ZNF407: variants seen among roughly 807,000 people sequenced by gnomAD.
ZNF407 encodes the protein zinc finger protein 407.
In ZNF407, 17 loss-of-function variants were observed where a neutral mutation model predicts 131.2. That is an observed-to-expected ratio of 0.13 (90% CI 0.09 to 0.19). The LOEUF is 0.19. Ranked by LOEUF, ZNF407 falls within the 10% of genes least tolerant of loss-of-function variation. The probability of loss-of-function intolerance (pLI) is 1.00; values close to 1 mark genes in which losing one functional copy is unlikely to be tolerated. For synonymous variants in ZNF407, 1,156 were observed against 1,062.0 expected (o/e 1.09, Z -1.72); for missense variants, 2,681 against 2,830.6 (o/e 0.95, Z 1.20).
At position 74,928,334 on chromosome 18, in the gene ZNF407, A is replaced by G. The variant is rs373505099; in HGVS notation, c.5428+7642A>G. 1.6e-4 allele frequency among the ~76,000 whole-genome samples: 25 copies of G among 152,342 alleles called. No individual in the cohort carries two copies. The South Asian group carries it at 2.1e-3, about 13-fold the overall frequency. ...CCAGCAGAAAGAAATGCTTGAGTTA[A>G]GATAAGGGGGATTGTAGAAGCCAAG... On this transcript the variant is annotated intron_variant, in intron 8 of 8. Transcript: ENST00000299687.
At chr18:74,790,584 G>T (rs1372555498) in intron 4 of ZNF407, among the ~76,000 whole-genome samples, 3 of 152,064 alleles carry the variant, frequency 2.0e-5, no homozygotes, top group Non-Finnish European at 2.9e-5. Flanking sequence ...GAACACTGGG[G>T]CTTATACAGC....
At chr18:74,621,991 T>C (rs778844889) in intron 1 of ZNF407, among the ~76,000 whole-genome samples, 31 of 152,126 alleles carry the variant, frequency 2.0e-4, no homozygotes, top group Non-Finnish European at 4.3e-4. Flanking sequence ...ATCTAGTGAA[T>C]GGTTTTTTAG....
At chr18:74,598,328 C>T (rs1053056672) in intron 1 of ZNF407, 14 of 152,314 alleles carry the variant, frequency 9.2e-5, no homozygotes, top group Non-Finnish European at 1.3e-4. Flanking sequence ...CCTAGCGTGG[C>T]CTCGGTTTCC....
At chr18:74,855,035 TA>T (rs1470519759) in intron 4 of ZNF407, among the ~76,000 whole-genome samples, 2 of 152,236 alleles carry the variant, frequency 1.3e-5, no homozygotes, top group East Asian at 1.9e-4. Context: ...ATGTGTTCTC[TA>T]AAAAATATTT....
intron 7 of ZNF407, chr18:74,898,172 A>T (rs1231499401): frequency 2.0e-5 from 3 of 151,880 alleles, no homozygotes; most frequent in African/African-American, 7.3e-5. Context: ...AGCGTGTCTG[A>T]CTCATTCCAC....
intron 3 of ZNF407, among the ~76,000 whole-genome samples, chr18:74,751,585 A>G (rs1379221103): frequency 6.7e-6 from 1 of 149,904 alleles, no homozygotes; most frequent in Non-Finnish European, 1.5e-5. Flanking sequence ...AAGTGTTCTC[A>G]TTGTTCAATT....
chr18:74,779,109 A>ATATTGTTTTTTTTT (rs397943457), intron 3 of ZNF407, among the ~76,000 whole-genome samples: 1 of 24,372 alleles, frequency 4.1e-5, no homozygotes. Context: ...ATATATATAT[A>ATATTGTTTTTTTTT]TTTTTTTTTT....
intron 7 of ZNF407, among the ~76,000 whole-genome samples, chr18:74,919,032 T>C (rs1971810796): frequency 6.6e-6 from 1 of 152,172 alleles, no homozygotes; most frequent in Non-Finnish European, 1.5e-5. Context: ...TCCCCACTCA[T>C]GAGGAACACG....
At chr18:74,875,735 T>C (rs904751056) in intron 4 of ZNF407, among the ~76,000 whole-genome samples, 5 of 152,334 alleles carry the variant, frequency 3.3e-5, no homozygotes, top group East Asian at 3.9e-4. Flanking sequence ...TCCAATGATA[T>C]AGTAATTTCA....
At chr18:74,738,574 C>T (rs1206027008) in intron 3 of ZNF407, among the ~76,000 whole-genome samples, 1 of 151,480 alleles carries the variant, frequency 6.6e-6, no homozygotes, top group Non-Finnish European at 1.5e-5. Context: ...CTTGTCTCTA[C>T]TTGAAATACA....
intron 1 of ZNF407, among the ~76,000 whole-genome samples, chr18:74,605,025 C>G (rs2144607955): frequency 1.3e-5 from 2 of 152,284 alleles, no homozygotes; most frequent in East Asian, 3.9e-4. Flanking sequence ...GGAACAGAGC[C>G]AGATGGTTTA....
chr18:75,033,146 T>C (rs1367611640), intron 8 of ZNF407, among the ~76,000 whole-genome samples: 3 of 130,982 alleles, frequency 2.3e-5, no homozygotes, highest in Admixed American at 8.6e-5. Flanking sequence ...GAAGACAGTA[T>C]TAGATAACTA....
intron 3 of ZNF407, among the ~76,000 whole-genome samples, chr18:74,723,671 C>T (rs964737393): frequency 3.9e-5 from 6 of 152,122 alleles, no homozygotes; most frequent in Non-Finnish European, 5.9e-5. Context: ...TGTGTTGGAG[C>T]AGTTACCCTC....
At chr18:74,663,777 T>C (rs1190072952) in intron 3 of ZNF407, among the ~76,000 whole-genome samples, 1 of 151,968 alleles carries the variant, frequency 6.6e-6, no homozygotes, top group Non-Finnish European at 1.5e-5. Flanking sequence ...TATTGAGAGA[T>C]TTTAGAGAGG....
chr18:74,941,860 A>G (rs1162334670), intron 8 of ZNF407, among the ~76,000 whole-genome samples: 1 of 152,256 alleles, frequency 6.6e-6, no homozygotes, highest in African/African-American at 2.4e-5. Context: ...ATAAGAGTTG[A>G]CAAAGGTATT....
Position 74,647,639 on chromosome 18 carries a change from G to T in ZNF407, c.4802+6517G>T, listed in dbSNP as rs142838705. On this transcript the variant is annotated intron_variant, in intron 3 of 8. Transcript: ENST00000299687. Reference sequence around the variant, plus strand: ...GTACTTTTGCTGTTTCTTTTCACAAGAGCTGGATGAGAAGGAGGTATGAGA... The same window carrying T: ...GTACTTTTGCTGTTTCTTTTCACAATAGCTGGATGAGAAGGAGGTATGAGA... 2.6e-5 allele frequency among the ~76,000 whole-genome samples: 4 copies of T among 152,206 alleles called. No homozygotes were observed. In the East Asian group the frequency reaches 7.7e-4, roughly 29 times the overall value.
chr18:74,634,923 G>T lies in ZNF407; in HGVS notation c.3904G>T (p.Val1302Phe). Residue 1302 changes from valine to phenylalanine, a missense_variant, in exon 2 of 9, where the codon GTT becomes TTT. Val to Phe is a conservative substitution (Grantham distance 50). Transcript: ENST00000299687. ...CTTGAAAGGTGTCCAAGAAGATCCC[G>T]TTCTGGGGAATAAGGAAATTCTGAT... ...EDLKGVQEDP[V>F]LGNKEILMNS... 2 of 1,613,900 alleles carry T rather than the reference G, an allele frequency of 1.2e-6. No homozygotes were observed. Among genetic ancestry groups the T allele is most frequent in the Admixed American group, 1.7e-5 (1 of 60,016 alleles).
At chr18:75,053,734 A>G (rs747440379) in intron 8 of ZNF407, among the ~76,000 whole-genome samples, 6 of 152,250 alleles carry the variant, frequency 3.9e-5, no homozygotes, top group Non-Finnish European at 8.8e-5. Flanking sequence ...GTCAGCGTCC[A>G]GTCCGCCCAC....
chr18:74,685,270 A>G (rs1967070329), intron 3 of ZNF407, among the ~76,000 whole-genome samples: 1 of 152,198 alleles, frequency 6.6e-6, no homozygotes, highest in Non-Finnish European at 1.5e-5. Context: ...CAGAATTGAT[A>G]TAAATAAGTA....
Sources: allele counts gnomAD v4.1 joint callset (sites outside exome capture counted in the v4.1 genomes callset), GRCh38; gene constraint gnomAD v4.1.1; transcripts MANE v1.5; gene names NCBI Gene and HGNC (gene_info 2026-07-23, HGNC 2026-07-21).